Variants in MRPS31 observed in about 807,000 individuals in gnomAD.
The protein encoded by MRPS31 is mitochondrial ribosomal protein S31, also known as small ribosomal subunit protein mS31.
MRPS31 carries 32 observed loss-of-function variants against 43.1 expected under a neutral mutation model. The observed-to-expected ratio is 0.74, with a 90% CI of 0.56 to 1.00. MRPS31 has a LOEUF of 1.00. MRPS31 is among the 50% of genes least tolerant of loss of function. MRPS31 has a pLI of 0.00. For missense variants in MRPS31, 437 were observed against 466.7 expected, an observed-to-expected ratio of 0.94 and a Z score of 0.59; for synonymous variants, 165 against 161.6, an observed-to-expected ratio of 1.02 and a Z score of -0.16.
At position 40,771,089 on chromosome 13, in the gene MRPS31, G is replaced by A. The variant is rs1387829380; in HGVS notation, c.48C>T (p.Arg16=). ...STFLPLRPLS[R]HPLSSGSPET... Reference sequence around the variant, plus strand: ...CCGGGCTTCCAGAGGACAAAGGGTGGCGGGAAAGGGGGCGAAGAGGTAGGA... The same window carrying A: ...CCGGGCTTCCAGAGGACAAAGGGTGACGGGAAAGGGGGCGAAGAGGTAGGA... The change falls in exon 1 of 7, where the codon CGC becomes CGT. Residue 16 remains arginine (R), a synonymous_variant. Coordinates refer to ENST00000323563, the MANE Select transcript of MRPS31 (RefSeq NM_005830.4). 6.2e-7 allele frequency: 1 copy of A among 1,614,018 alleles called. No homozygotes were observed. Among genetic ancestry groups the A allele is most frequent in the Non-Finnish European group, 8.5e-7 (1 of 1,179,948 alleles).
intron 6 of MRPS31, among the ~76,000 whole-genome samples, chr13:40,729,981 C>A (rs935929455): frequency 1.3e-5 from 2 of 151,772 alleles, no homozygotes; most frequent in African/African-American, 4.8e-5. Flanking sequence ...CTGCCCGCCT[C>A]GGCCTCCCAA....
intron 4 of MRPS31, among the ~76,000 whole-genome samples, chr13:40,755,716 C>A (rs1593449523): frequency 6.6e-6 from 1 of 152,218 alleles, no homozygotes; most frequent in Non-Finnish European, 1.5e-5. Flanking sequence ...CCTTACTCAC[C>A]TCTGGCTGGC....
chr13:40,762,809 T>C (rs1237779720), intron 2 of MRPS31, among the ~76,000 whole-genome samples: 1 of 149,760 alleles, frequency 6.7e-6, no homozygotes, highest in African/African-American at 2.5e-5. Context: ...TGTGTGTGTG[T>C]GTGTGTGTGT....
intron 1 of MRPS31, among the ~76,000 whole-genome samples, chr13:40,767,643 GC>G: frequency 6.6e-6 from 1 of 152,250 alleles, no homozygotes; most frequent in South Asian, 2.1e-4. Context: ...CCTTGGGGTG[GC>G]CAGGGGAGGT....
Position 40,766,899 on chromosome 13 carries a change from T to A in MRPS31, c.287A>T (p.Lys96Ile). ...CTTAATAATGCCTAACAAGTCTTTT[T>A]TCGTATTTTCCTTTTCACTGTCTTG... ...ESQDSEKENTKKDLLGIIKGM... is the reference protein window; with the variant it reads ...ESQDSEKENTIKDLLGIIKGM... The change falls in exon 2 of 7, where the codon AAA becomes ATA. Residue 96 changes from lysine to isoleucine, a missense_variant. Transcript: ENST00000323563. 3 of 1,614,178 alleles carry A rather than the reference T, an allele frequency of 1.9e-6. No individual in the cohort carries two copies. Among genetic ancestry groups the A allele is most frequent in the Non-Finnish European group, 2.5e-6 (3 of 1,180,020 alleles).
chr13:40,730,165 TCAAA>T (rs1251924466), intron 6 of MRPS31, among the ~76,000 whole-genome samples: 5 of 152,142 alleles, frequency 3.3e-5, no homozygotes, highest in Admixed American at 1.3e-4. Context: ...TTTGTAAAGA[TCAAA>T]CAGACACAAA....
At chr13:40,741,888 TACACAC>T (rs61011673) in intron 6 of MRPS31, among the ~76,000 whole-genome samples, 4,654 of 140,762 alleles carry the variant, frequency 0.033, 85 homozygotes, top group Middle Eastern at 0.05. Context: ...AGTAACAAAA[TACACAC>T]ACACACACAC....
intron 6 of MRPS31, among the ~76,000 whole-genome samples, chr13:40,736,250 G>A (rs1262601960): frequency 1.3e-5 from 2 of 152,138 alleles, no homozygotes; most frequent in African/African-American, 2.4e-5. Flanking sequence ...AAAAAGAAAC[G>A]AGCAAAGCCT....
At chr13:40,766,556 A>G (rs969322966) in intron 2 of MRPS31, among the ~76,000 whole-genome samples, 190 bp downstream of exon 2, 1 of 152,148 alleles carries the variant, frequency 6.6e-6, no homozygotes, top group Non-Finnish European at 1.5e-5. Flanking sequence ...CGTCCTCCCA[A>G]AGTGCTGGGA....
intron 6 of MRPS31, among the ~76,000 whole-genome samples, chr13:40,744,331 A>G (rs2138001603): frequency 6.6e-6 from 1 of 152,332 alleles, no homozygotes; most frequent in African/African-American, 2.4e-5. Context: ...AAACTTGCAC[A>G]TGTACCCCTG....
intron 2 of MRPS31, among the ~76,000 whole-genome samples, chr13:40,765,145 T>C (rs879005170): frequency 2.6e-5 from 4 of 152,238 alleles, no homozygotes; most frequent in Admixed American, 6.5e-5. Flanking sequence ...ACCAGTCTTT[T>C]GATGTGGGAC....
intron 1 of MRPS31, among the ~76,000 whole-genome samples, chr13:40,769,396 A>G (rs539447965): frequency 2.1e-5 from 2 of 93,962 alleles, no homozygotes; most frequent in East Asian, 7.3e-4. Flanking sequence ...ATATATATAT[A>G]TATATATATA....
chr13:40,770,573 T>C (rs902730925), intron 1 of MRPS31, among the ~76,000 whole-genome samples: 21 of 152,226 alleles, frequency 1.4e-4, no homozygotes, highest in African/African-American at 4.8e-4. Flanking sequence ...AATTGTCTAC[T>C]TTCTGGAACT....
intron 6 of MRPS31, among the ~76,000 whole-genome samples, chr13:40,741,245 C>A (rs543057817): frequency 3.9e-5 from 6 of 152,096 alleles, no homozygotes; most frequent in African/African-American, 1.4e-4. Context: ...ATATTATTAC[C>A]TTTTATATTA....
At chr13:40,761,192 A>G (rs184137151) in intron 2 of MRPS31, among the ~76,000 whole-genome samples, 208 of 151,920 alleles carry the variant, frequency 1.4e-3, no homozygotes, top group African/African-American at 4.7e-3. Context: ...ACTTGAGCAC[A>G]GGAGGTAGAG....
At chr13:40,736,298 C>G (rs566358734) in intron 6 of MRPS31, among the ~76,000 whole-genome samples, 1 of 152,112 alleles carries the variant, frequency 6.6e-6, no homozygotes, top group Non-Finnish European at 1.5e-5. Context: ...ACCGAATCTA[C>G]GTCTGATTGG....
At chr13:40,763,626 A>G (rs1400608398) in intron 2 of MRPS31, among the ~76,000 whole-genome samples, 1 of 152,192 alleles carries the variant, frequency 6.6e-6, no homozygotes, top group African/African-American at 2.4e-5. Flanking sequence ...ATACTTTCAG[A>G]AAATAGTGAC....
intron 2 of MRPS31, among the ~76,000 whole-genome samples, chr13:40,763,309 C>T (rs1880753973): frequency 6.6e-6 from 1 of 152,200 alleles, no homozygotes; most frequent in Non-Finnish European, 1.5e-5. Context: ...GCAGGTGACA[C>T]TTCACACAGT....
At chr13:40,735,615 C>T (rs1402027120) in intron 6 of MRPS31, among the ~76,000 whole-genome samples, 1 of 152,046 alleles carries the variant, frequency 6.6e-6, no homozygotes, top group African/African-American at 2.4e-5. Context: ...TCAAGTGGGT[C>T]CCTGACCCCT....
Sources: gnomAD v4.1 joint callset for allele counts (sites outside exome capture counted in the v4.1 genomes callset) on GRCh38, gnomAD v4.1.1 for gene constraint, MANE v1.5 for transcripts, NCBI Gene and HGNC (gene_info 2026-07-23, HGNC 2026-07-21) for gene names.